Variants in RPS6KA2 observed in about 807,000 individuals in gnomAD.
RPS6KA2 encodes ribosomal protein S6 kinase A2.
In RPS6KA2, 42 loss-of-function variants were observed where a neutral mutation model predicts 91.8. That is an observed-to-expected ratio of 0.46 (90% CI 0.36 to 0.59). The LOEUF (loss-of-function observed/expected upper bound fraction) is 0.59. Among genes scored for constraint, RPS6KA2 ranks in the 20% least tolerant of loss-of-function variants. The pLI is 0.00. For synonymous variants in RPS6KA2, 414 were observed against 393.6 expected, an observed-to-expected ratio of 1.05 and a Z score of -0.61; for missense variants, 798 against 978.5, an observed-to-expected ratio of 0.82 and a Z score of 2.46.
intron 16 of RPS6KA2, among the ~76,000 whole-genome samples, chr6:166,428,554 A>T: frequency 7.0e-6 from 1 of 143,862 alleles, no homozygotes; most frequent in Middle Eastern, 3.2e-3. Context: ...CAACCTACTC[A>T]TCTGACAAAG....
rs1269900173 is a variant in RPS6KA2, at chr6:166,411,559, G to A, written c.*1203C>T. ...AAGTAGAGCACAGCATGGCCTAAAT[G>A]CCCCACACCCGCCCTGTGTGCACAC... is the stretch of plus-strand genomic sequence containing the variant. On this transcript the variant is annotated 3_prime_UTR_variant, in exon 21 of 21. Coordinates refer to ENST00000265678, the MANE Select transcript of RPS6KA2 (RefSeq NM_021135.6). This position sits in a 1 kb window ranked among gnomAD's most constrained non-coding sequence, Gnocchi z 4.5. The A allele has an allele frequency of 6.6e-6, 1 of 152,360 alleles. No individual in the cohort carries two copies. Among genetic ancestry groups the A allele is most frequent in the Admixed American group, 6.5e-5 (1 of 15,284 alleles). The allele number at this position is 152,360 out of a possible 1,614,324, so 9.4% of individuals were successfully genotyped here.
intron 1 of RPS6KA2, among the ~76,000 whole-genome samples, chr6:166,604,779 G>A (rs771585828): frequency 2.0e-5 from 3 of 152,162 alleles, no homozygotes; most frequent in Admixed American, 6.5e-5. Context: ...AGAAGACTAC[G>A]AGCCTTCCTC....
chr6:166,475,879 C>T, intron 10 of RPS6KA2: 1 of 521,472 alleles, frequency 1.9e-6, no homozygotes, highest in Non-Finnish European at 3.9e-6. Flanking sequence ...GTCTGTATTT[C>T]TGGTAGTCTG....
intron 14 of RPS6KA2, among the ~76,000 whole-genome samples, chr6:166,446,564 T>C (rs2281059): frequency 0.15 from 23,160 of 152,182 alleles, 3,821 homozygotes; most frequent in African/African-American, 0.41. Context: ...TCCACAGAGT[T>C]TGACCTCAAC....
Position 166,665,838 on chromosome 6 carries a change from G to A in RPS6KA2, c.124-127054C>T, listed in dbSNP as rs1203117075. ...GAGAAAAGCAACCTTCACAGAGGCA[G>A]AGCTGGATCAGAAGAAGGTGCAGCT... On this transcript the variant is annotated intron_variant, in intron 2 of 21. Coordinates refer to the RPS6KA2 transcript ENST00000503859. The surrounding 1 kb of genome is among the most constrained non-coding windows in gnomAD (Gnocchi z 4.5). Among the ~76,000 whole-genome samples the A allele has an allele frequency of 1.3e-5, 2 of 152,182 alleles. No individual in the cohort carries two copies. The highest frequency in any genetic ancestry group is 4.8e-5 in the African/African-American group (2 of 41,434).
chr6:166,527,876 C>G (rs1783123354), intron 3 of RPS6KA2, among the ~76,000 whole-genome samples: 1 of 152,224 alleles, frequency 6.6e-6, no homozygotes, highest in South Asian at 2.1e-4. Context: ...GAGTGGGCAC[C>G]AGTACTTTAT....
At chr6:166,684,712 C>A (rs1025445398) in intron 2 of RPS6KA2, among the ~76,000 whole-genome samples, 1 of 152,208 alleles carries the variant, frequency 6.6e-6, no homozygotes, top group Non-Finnish European at 1.5e-5. Flanking sequence ...GATGTATCCA[C>A]AGTGCAGCTC....
chr6:166,557,559 C>T lies in RPS6KA2; in HGVS notation c.100-18775G>A, dbSNP rs1292068857. Among the ~76,000 whole-genome samples, 1 of 152,122 alleles carries T rather than the reference C, an allele frequency of 6.6e-6. No individual in the cohort carries two copies. Among genetic ancestry groups the T allele is most frequent in the Non-Finnish European group, 1.5e-5 (1 of 68,020 alleles). ...GTCTGGCCTTAGAGTTTCTCTGGCA[C>T]CTTTGTCAAATGACAGAAAAATCAG... On this transcript the variant is annotated intron_variant, in intron 1 of 20. Coordinates refer to ENST00000265678, the MANE Select transcript of RPS6KA2 (RefSeq NM_021135.6). This position sits in a 1 kb window ranked among gnomAD's most constrained non-coding sequence, Gnocchi z 4.8.
chr6:166,754,082 G>A (rs965581368), intron 2 of RPS6KA2, among the ~76,000 whole-genome samples: 12 of 152,212 alleles, frequency 7.9e-5, no homozygotes, highest in Non-Finnish European at 1.5e-4. Flanking sequence ...TGCATGCAGT[G>A]ATGACTGCCT....
intron 1 of RPS6KA2, among the ~76,000 whole-genome samples, chr6:166,549,805 C>A (rs1783941496): frequency 6.6e-6 from 1 of 152,168 alleles, no homozygotes; most frequent in Non-Finnish European, 1.5e-5. Context: ...ACACGTAAAA[C>A]TGGTAAAATA....
At chr6:166,538,532 G>A (rs1214684468) in intron 2 of RPS6KA2, 136 bp downstream of exon 2, 6 of 567,920 alleles carry the variant, frequency 1.1e-5, no homozygotes, top group Admixed American at 2.3e-5. Context: ...TGAGACCCCG[G>A]TTCTGAACTG....
At chr6:166,853,693 A>C (rs1248213327) in intron 2 of RPS6KA2, among the ~76,000 whole-genome samples, 1 of 152,268 alleles carries the variant, frequency 6.6e-6, no homozygotes, top group African/African-American at 2.4e-5. Flanking sequence ...TTGGCCCAAC[A>C]TCCAGATCAG....
chr6:166,593,168 C>G (rs1785412829), intron 1 of RPS6KA2, among the ~76,000 whole-genome samples: 1 of 152,166 alleles, frequency 6.6e-6, no homozygotes, highest in Non-Finnish European at 1.5e-5. Context: ...GCCCTTAAAT[C>G]CCAATCAAAT....
chr6:166,779,833 A>G (rs769591976), intron 2 of RPS6KA2, among the ~76,000 whole-genome samples: 1 of 152,182 alleles, frequency 6.6e-6, no homozygotes, highest in Non-Finnish European at 1.5e-5. Context: ...GGCTGGGGCT[A>G]GCGTTGCCGA....
chr6:166,484,609 C>T (rs538371674), intron 10 of RPS6KA2, among the ~76,000 whole-genome samples: 4 of 152,232 alleles, frequency 2.6e-5, no homozygotes, highest in African/African-American at 4.8e-5. Flanking sequence ...GTGTTGTAGC[C>T]GCATTGCCAT....
chr6:166,730,876 T>C (rs542011505), intron 2 of RPS6KA2, among the ~76,000 whole-genome samples: 25 of 152,288 alleles, frequency 1.6e-4, no homozygotes, highest in Admixed American at 9.8e-4. Context: ...CGGGTAGTCA[T>C]CCGGTTGAGG....
intron 2 of RPS6KA2, among the ~76,000 whole-genome samples, chr6:166,634,294 C>T (rs961775624): frequency 1.3e-5 from 2 of 152,124 alleles, no homozygotes; most frequent in Non-Finnish European, 1.5e-5. Flanking sequence ...CCGAGGTGGG[C>T]AGTAACACTG....
chr6:166,592,847 T>G (rs1280023211), intron 1 of RPS6KA2, among the ~76,000 whole-genome samples: 2 of 152,170 alleles, frequency 1.3e-5, no homozygotes, highest in African/African-American at 4.8e-5. Flanking sequence ...ATATTCCTAA[T>G]TATATTCCTT....
chr6:166,738,935 T>C (rs555158391), intron 2 of RPS6KA2, among the ~76,000 whole-genome samples: 2 of 152,314 alleles, frequency 1.3e-5, no homozygotes, highest in East Asian at 3.9e-4. Flanking sequence ...AGCCTAGATA[T>C]CCAGGTGTGC....
Sources: allele counts gnomAD v4.1 joint callset (sites outside exome capture counted in the v4.1 genomes callset), GRCh38; gene constraint gnomAD v4.1.1; non-coding constraint Gnocchi (gnomAD v3.1); transcripts MANE v1.5; gene names NCBI Gene and HGNC (gene_info 2026-07-23, HGNC 2026-07-21).